QPCT: variants seen among roughly 807,000 people sequenced by gnomAD.
The protein encoded by QPCT is glutaminyl-peptide cyclotransferase, also known as EC.
QPCT carries 44 observed loss-of-function variants against 43.4 expected under a neutral mutation model. That is an observed-to-expected ratio of 1.01 (90% CI 0.80 to 1.30). QPCT has a LOEUF of 1.30. Among genes scored for constraint, QPCT ranks in the 50% most tolerant of loss-of-function variants. QPCT has a pLI of 0.00. For missense variants in QPCT, 526 were observed against 436.5 expected (o/e 1.21, Z -1.83); for synonymous variants, 168 against 168.4 (o/e 1.00, Z 0.02).
At chr2:37,365,351 A>G (rs1672941021) in intron 3 of QPCT, among the ~76,000 whole-genome samples, 1 of 152,216 alleles carries the variant, frequency 6.6e-6, no homozygotes, top group African/African-American at 2.4e-5. Flanking sequence ...CAATAAGTCA[A>G]GAGAGATGAA....
intron 4 of QPCT, 70 bp from the exon 5 acceptor site, chr2:37,369,615 G>C: frequency 1.7e-6 from 2 of 1,157,094 alleles, no homozygotes; most frequent in Non-Finnish European, 2.6e-6. Context: ...TTGACTGATT[G>C]TATTTCCCTG....
At chr2:37,364,712 G>T (rs1362648061) in intron 3 of QPCT, among the ~76,000 whole-genome samples, 3 of 152,158 alleles carry the variant, frequency 2.0e-5, no homozygotes, top group Admixed American at 2.0e-4. Flanking sequence ...TGAAGAGACT[G>T]TTGGTAATAC....
intron 2 of QPCT, 117 bp from the exon 3 acceptor site, chr2:37,359,463 A>G (rs1672818869): frequency 1.1e-6 from 1 of 891,514 alleles, no homozygotes; most frequent in Non-Finnish European, 1.7e-6. Context: ...CTATGAATTC[A>G]TTAAGTGTGT....
intron 2 of QPCT, among the ~76,000 whole-genome samples, 162 bp from the exon 3 acceptor site, chr2:37,359,418 A>G (rs1160353655): frequency 6.6e-6 from 1 of 152,252 alleles, no homozygotes; most frequent in Admixed American, 6.5e-5. Context: ...AATTACAATA[A>G]CAATACAAAG....
chr2:37,359,827 G>A lies in QPCT; in HGVS notation c.515G>A (p.Arg172His), dbSNP rs748678483. 31 of 1,614,050 alleles carry A rather than the reference G, an allele frequency of 1.9e-5. No individual in the cohort carries two copies. Among genetic ancestry groups the A allele is most frequent in the East Asian group, 1.6e-4 (7 of 44,892 alleles). Residue 172 changes from arginine (R) to histidine (H), a missense_variant, in exon 3 of 7, where the codon CGT becomes CAT. Transcript: ENST00000338415. ...VPCAMMLELA[R>H]ALDKKLLSLK... ...TGTGCAATGATGTTGGAACTTGCTC[G>A]TGCCTTAGACAAGAAACTCCTTTCC...
chr2:37,366,294 A>C (rs1190141510), intron 3 of QPCT, among the ~76,000 whole-genome samples: 3 of 152,170 alleles, frequency 2.0e-5, no homozygotes, highest in African/African-American at 7.2e-5. Flanking sequence ...AGTTCCATTC[A>C]AATACTGTCT....
At chr2:37,347,220 T>C (rs1360666767) in intron 1 of QPCT, among the ~76,000 whole-genome samples, 2 of 70,252 alleles carry the variant, frequency 2.8e-5, no homozygotes, top group African/African-American at 7.0e-5. Context: ...ATATATAACA[T>C]ATATATATAA....
intron 1 of QPCT, among the ~76,000 whole-genome samples, chr2:37,348,425 A>G (rs183224728): frequency 1.8e-4 from 27 of 152,326 alleles, no homozygotes; most frequent in Non-Finnish European, 3.1e-4. Context: ...TTTTTATATC[A>G]GTGGCATCCG....
At chr2:37,348,141 T>C (rs1672545827) in intron 1 of QPCT, among the ~76,000 whole-genome samples, 1 of 151,836 alleles carries the variant, frequency 6.6e-6, no homozygotes, top group Non-Finnish European at 1.5e-5. Context: ...TCTCAGGCAG[T>C]GACGTGGAAG....
At position 37,372,890 on chromosome 2, in the gene QPCT, A is replaced by G; in HGVS notation, c.*63A>G. ...GAATTCAAAAGTCAAGGCATCATTTAAAATAATCTGATTTCAGACAAATGC... is the reference window on the plus strand; with the variant it reads ...GAATTCAAAAGTCAAGGCATCATTTGAAATAATCTGATTTCAGACAAATGC... On this transcript the variant is annotated 3_prime_UTR_variant, in exon 7 of 7. Coordinates refer to ENST00000338415, the MANE Select transcript of QPCT (RefSeq NM_012413.4). 7.1e-7 allele frequency: 1 copy of G among 1,418,082 alleles called. No individual in the cohort carries two copies. The highest frequency in any genetic ancestry group is 2.1e-5 in the Admixed American group (1 of 46,940). 87.8% of individuals were successfully genotyped at this position (1,418,082 alleles called of 1,614,324 possible). A position where few individuals can be genotyped will look rare whatever the true frequency, so the allele number is the denominator to read the frequency against.
At chr2:37,365,150 A>G (rs1428821101) in intron 3 of QPCT, among the ~76,000 whole-genome samples, 4 of 152,110 alleles carry the variant, frequency 2.6e-5, no homozygotes, top group East Asian at 1.9e-4. Flanking sequence ...AAGAAGAGAT[A>G]TCAAGACAGT....
At position 37,347,151 on chromosome 2, in the gene QPCT, T is replaced by TATATATATATAAC. The variant is rs1279004039; in HGVS notation, c.120+2311_120+2312insACATATATATATA. Among the ~76,000 whole-genome samples the TATATATATATAAC allele has an allele frequency of 6.7e-4, 41 of 61,346 alleles. 1 individual carries two copies. The highest frequency in any genetic ancestry group is 4.1e-3 in the Admixed American group (14 of 3,450). The allele number at this position is 61,346 out of a possible 152,430, so 40.2% of individuals were successfully genotyped here. The stretch of plus-strand genomic sequence containing the variant: ...ATCTGGGTATGGGGTGTTTTATATA[T>TATATATATATAAC]ATATATATATATAACATATATATAT... On this transcript the variant is annotated intron_variant, in intron 1 of 6. Transcript: ENST00000338415.
chr2:37,369,485 C>T (rs1673028866), intron 4 of QPCT, among the ~76,000 whole-genome samples, 200 bp from the exon 5 acceptor site: 1 of 152,072 alleles, frequency 6.6e-6, no homozygotes, highest in Non-Finnish European at 1.5e-5. Context: ...GCTATTTGTC[C>T]ACATTACATA....
At chr2:37,354,019 C>T (rs576240358) in intron 2 of QPCT, among the ~76,000 whole-genome samples, 1 of 152,356 alleles carries the variant, frequency 6.6e-6, no homozygotes, top group African/African-American at 2.4e-5. Context: ...CGCACGCCAC[C>T]ATGCCCGGCT....
At chr2:37,360,063 T>C (rs567406759) in intron 3 of QPCT, 63 of 579,468 alleles carry the variant, frequency 1.1e-4, no homozygotes, top group African/African-American at 8.6e-4. Flanking sequence ...AATGCATTCA[T>C]TAATTGGCAC....
At chr2:37,358,535 G>C (rs1186040813) in intron 2 of QPCT, among the ~76,000 whole-genome samples, 1 of 152,114 alleles carries the variant, frequency 6.6e-6, no homozygotes, top group Non-Finnish European at 1.5e-5. Context: ...AAAGGCAAAT[G>C]AATCAGCAAT....
intron 3 of QPCT, among the ~76,000 whole-genome samples, chr2:37,365,001 ATAT>A (rs141276841): frequency 0.13 from 19,647 of 147,408 alleles, 3,997 homozygotes; most frequent in African/African-American, 0.44. Flanking sequence ...CGCCTCTACA[ATAT>A]TATTATTATT....
At chr2:37,349,160 G>A (rs1672568841) in intron 1 of QPCT, among the ~76,000 whole-genome samples, 1 of 152,228 alleles carries the variant, frequency 6.6e-6, no homozygotes. Context: ...TTACTGGGAA[G>A]CTTTTAGCTC....
In QPCT at chr2:37,372,402, G is replaced by A. The variant is rs370391513; in HGVS notation, c.870G>A (p.Glu290=). The A allele has an allele frequency of 3.1e-6, 5 of 1,614,174 alleles. No individual in the cohort carries two copies. The highest frequency in any genetic ancestry group is 4.2e-6 in the Non-Finnish European group (5 of 1,180,008). The change falls in exon 6 of 7, where the codon GAG becomes GAA. Residue 290 remains glutamate, a synonymous_variant. Coordinates refer to ENST00000338415, the MANE Select transcript of QPCT (RefSeq NM_012413.4). Reference sequence around the variant, plus strand: ...GTTTGCTCAAGGATCACTCTTTGGAGGGGCGGTATTTCCAGAATTACAGTT... The same window carrying A: ...GTTTGCTCAAGGATCACTCTTTGGAAGGGCGGTATTTCCAGAATTACAGTT... ...ELGLLKDHSL[E]GRYFQNYSYG...
Sources: allele counts gnomAD v4.1 joint callset (sites outside exome capture counted in the v4.1 genomes callset), GRCh38; gene constraint gnomAD v4.1.1; transcripts MANE v1.5; gene names NCBI Gene and HGNC (gene_info 2026-07-23, HGNC 2026-07-21).